The following CFAP251 variants were observed in gnomAD, a reference collection of about 807,000 sequenced individuals.
The protein encoded by CFAP251 is cilia and flagella associated protein 251.
Under a neutral mutation model 126.7 loss-of-function variants are expected in CFAP251, and 93 were observed. The ratio of observed to expected loss-of-function variants is 0.73; its 90% CI spans 0.62 to 0.87. The LOEUF (loss-of-function observed/expected upper bound fraction) is 0.87. Ranked by LOEUF, CFAP251 falls within the 40% of genes least tolerant of loss-of-function variation. The pLI, the probability that CFAP251 is intolerant of heterozygous loss-of-function variation, is 0.00. For synonymous variants in CFAP251, 503 were observed against 506.9 expected (o/e 0.99, Z 0.10); for missense variants, 1,287 against 1,389.2 (o/e 0.93, Z 1.17).
chr12:121,942,342 C>T (rs1423122927), intron 5 of CFAP251, among the ~76,000 whole-genome samples, 192 bp from the exon 6 acceptor site: 2 of 152,104 alleles, frequency 1.3e-5, no homozygotes, highest in East Asian at 1.9e-4. Flanking sequence ...GCATCGCTTC[C>T]GACGCTCATC....
chr12:121,995,033 A>G (rs1293902597), intron 19 of CFAP251, among the ~76,000 whole-genome samples: 1 of 152,266 alleles, frequency 6.6e-6, no homozygotes, highest in African/African-American at 2.4e-5. Context: ...GTTAGGCATT[A>G]TGTTAAGCAC....
At chr12:121,954,960 A>T (rs1427965175) in intron 10 of CFAP251, among the ~76,000 whole-genome samples, 1 of 152,190 alleles carries the variant, frequency 6.6e-6, no homozygotes, top group Non-Finnish European at 1.5e-5. Flanking sequence ...ACATGCATTA[A>T]ATGTAAGAAA....
At chr12:121,982,425 G>T (rs1565921735) in intron 19 of CFAP251, among the ~76,000 whole-genome samples, 2 of 151,626 alleles carry the variant, frequency 1.3e-5, no homozygotes, top group Non-Finnish European at 2.9e-5. Flanking sequence ...TGTTGCCCAG[G>T]CTGGAGTGCA....
rs140359840 is a variant in CFAP251 at position 121,989,657 on chromosome 12, G to C, written c.3007-10059G>C. ...GAGTGAAGATGATGAGTGGGAACAAGACACTGTGCCCCATTAGTTGAGAAT... is the reference window on the plus strand; with the variant it reads ...GAGTGAAGATGATGAGTGGGAACAACACACTGTGCCCCATTAGTTGAGAAT... On this transcript the variant is annotated intron_variant, in intron 19 of 21. Transcript: ENST00000288912. The surrounding 1 kb of genome is among the most constrained non-coding windows in gnomAD (Gnocchi z 4.2). 6.6e-6 allele frequency among the ~76,000 whole-genome samples: 1 copy of C among 152,320 alleles called. No individual in the cohort carries two copies. The highest frequency in any genetic ancestry group is 1.9e-4 in the East Asian group (1 of 5,184).
At chr12:121,970,041 C>A in intron 17 of CFAP251, 1 of 829,220 alleles carries the variant, frequency 1.2e-6, no homozygotes, top group Non-Finnish European at 1.5e-6. Context: ...AACAAGTAAA[C>A]AAACAGAATT....
At chr12:121,965,341 C>T (rs1009732339) in intron 15 of CFAP251, among the ~76,000 whole-genome samples, 10 of 152,150 alleles carry the variant, frequency 6.6e-5, no homozygotes, top group South Asian at 2.1e-4. Context: ...CTTCTGGGGG[C>T]GGGTGTGAAT....
intron 20 of CFAP251, 65 bp downstream of exon 20, chr12:122,000,009 T>C: frequency 1.4e-6 from 2 of 1,435,004 alleles, no homozygotes; most frequent in South Asian, 1.3e-5. Context: ...AGAACTGAGT[T>C]TGGGGAGCCA....
chr12:121,926,322 A>AT (rs1313537621), intron 3 of CFAP251, among the ~76,000 whole-genome samples: 7 of 144,360 alleles, frequency 4.8e-5, no homozygotes, highest in South Asian at 2.2e-4. Context: ...CTCCTTTATT[A>AT]TTTTTTTCTT....
intron 1 of CFAP251, among the ~76,000 whole-genome samples, chr12:121,920,304 T>C (rs1880111929): frequency 7.2e-6 from 1 of 139,042 alleles, no homozygotes; most frequent in Non-Finnish European, 1.5e-5. Context: ...CTTGGCTCGC[T>C]GCAACCTCCG....
intron 1 of CFAP251, among the ~76,000 whole-genome samples, chr12:121,919,520 T>C (rs2135739051): frequency 6.6e-6 from 1 of 152,350 alleles, no homozygotes; most frequent in East Asian, 1.9e-4. Flanking sequence ...GCATTTTATA[T>C]ATGTTATCAC....
intron 3 of CFAP251, among the ~76,000 whole-genome samples, chr12:121,927,934 T>C (rs80090724): frequency 0.25 from 37,802 of 152,218 alleles, 5,965 homozygotes; most frequent in East Asian, 0.5. Context: ...TAGAAAAAGA[T>C]TGATGTAAGC....
At chr12:121,934,704 G>T (rs1039893082) in intron 5 of CFAP251, among the ~76,000 whole-genome samples, 1 of 152,120 alleles carries the variant, frequency 6.6e-6, no homozygotes, top group African/African-American at 2.4e-5. Flanking sequence ...GTTCGATTTC[G>T]ATCTGTTTGC....
rs138573010 is a variant in CFAP251 at position 121,953,051 on chromosome 12, A to G, written c.1321-1069A>G. Reference sequence around the variant, plus strand: ...TCTATTTAAAGACACTTTATTTAATATATAACATTGATTCATTAACATTGA... The same window carrying G: ...TCTATTTAAAGACACTTTATTTAATGTATAACATTGATTCATTAACATTGA... On this transcript the variant is annotated intron_variant, in intron 9 of 21. Coordinates refer to ENST00000288912, the MANE Select transcript of CFAP251 (RefSeq NM_144668.6). The G allele has an allele frequency of 7.9e-5, 12 of 152,334 alleles. No homozygotes were observed. In the East Asian group the frequency reaches 2.3e-3, roughly 29 times the overall value. The allele number at this position is 152,334 out of a possible 1,614,324, so 9.4% of individuals were successfully genotyped here.
At chr12:121,946,605 G>A (rs975096554) in intron 7 of CFAP251, among the ~76,000 whole-genome samples, 14 of 151,886 alleles carry the variant, frequency 9.2e-5, no homozygotes, top group African/African-American at 3.4e-4. Flanking sequence ...GTTTTGTTTT[G>A]TTCTGTTTTT....
chr12:121,993,480 A>G (rs2135814171), intron 19 of CFAP251, among the ~76,000 whole-genome samples: 1 of 141,252 alleles, frequency 7.1e-6, no homozygotes, highest in Non-Finnish European at 1.5e-5. Flanking sequence ...CTGGAAAGTG[A>G]GGAGCGTCTC....
chr12:121,947,068 A>G (rs955033915), intron 7 of CFAP251, among the ~76,000 whole-genome samples: 3 of 152,132 alleles, frequency 2.0e-5, no homozygotes, highest in African/African-American at 4.8e-5. Flanking sequence ...TGGGGCTCCA[A>G]TTACATATAC....
chr12:121,955,113 G>A (rs1237683465), intron 10 of CFAP251, among the ~76,000 whole-genome samples: 1 of 152,138 alleles, frequency 6.6e-6, no homozygotes, highest in African/African-American at 2.4e-5. Flanking sequence ...GGCCAACATG[G>A]TGAAACCCTG....
chr12:121,976,085 T>C (rs1361863044), intron 19 of CFAP251, among the ~76,000 whole-genome samples: 1 of 151,644 alleles, frequency 6.6e-6, no homozygotes, highest in African/African-American at 2.4e-5. Flanking sequence ...TTTGGCTCAC[T>C]GCAACCTCCA....
intron 7 of CFAP251, chr12:121,947,866 C>T (rs1881377746): frequency 6.6e-6 from 1 of 152,166 alleles, no homozygotes; most frequent in Admixed American, 6.6e-5. Flanking sequence ...TATGAATTCT[C>T]AAACACTGGC....
Sources: gnomAD v4.1 joint callset for allele counts (sites outside exome capture counted in the v4.1 genomes callset) on GRCh38, gnomAD v4.1.1 for gene constraint, Gnocchi (gnomAD v3.1) non-coding constraint, MANE v1.5 for transcripts, NCBI Gene and HGNC (gene_info 2026-07-23, HGNC 2026-07-21) for gene names.